The following CAMK1 variants were observed in gnomAD, a reference collection of about 807,000 sequenced individuals.
CAMK1 encodes calcium/calmodulin-dependent protein kinase type 1.
In CAMK1, 39 loss-of-function variants were observed where a neutral mutation model predicts 49.1. That is an observed-to-expected ratio of 0.79 (90% CI 0.62 to 1.04). The LOEUF is 1.04. CAMK1 is among the 50% of genes least tolerant of loss of function. The probability of loss-of-function intolerance (pLI) is 0.00; values close to 1 mark genes in which losing one functional copy is unlikely to be tolerated. For missense variants in CAMK1, 457 were observed against 472.2 expected (o/e 0.97, Z 0.30); for synonymous variants, 192 against 185.2 (o/e 1.04, Z -0.30).
chr3:9,766,414 G>A (rs2078154475), intron 2 of CAMK1: 1 of 495,604 alleles, frequency 2.0e-6, no homozygotes. Flanking sequence ...GAACCTTAAA[G>A]AACCATCAGC....
intron 3 of CAMK1, among the ~76,000 whole-genome samples, chr3:9,765,465 T>A (rs1432686544): frequency 6.6e-6 from 1 of 152,112 alleles, no homozygotes; most frequent in Non-Finnish European, 1.5e-5. Flanking sequence ...CCAACTGAGA[T>A]ATGTGGGTCC....
intron 2 of CAMK1, chr3:9,766,360 C>T (rs1179345580): frequency 4.6e-6 from 3 of 651,698 alleles, no homozygotes; most frequent in Non-Finnish European, 5.6e-6. Flanking sequence ...TTGGTTCATC[C>T]CTTTTTCTGC....
chr3:9,763,098 T>G (rs2077966371), intron 4 of CAMK1, 41 bp downstream of exon 4: 1 of 1,613,934 alleles, frequency 6.2e-7, no homozygotes, highest in African/African-American at 1.3e-5. Context: ...TTGGGACAGC[T>G]GGGAGAGGTG....
Position 9,761,724 on chromosome 3 carries a change from C to G in CAMK1, c.463G>C (p.Asp155His). The G allele has an allele frequency of 1.2e-6, 2 of 1,614,116 alleles. No individual in the cohort carries two copies. Among genetic ancestry groups the G allele is most frequent in the Non-Finnish European group, 1.7e-6 (2 of 1,180,012 alleles). ...AAGTCGGAGATCATGATTTTGGAGT[C>G]TTCATCCAGGCTGTAGTACAGCAGA... The part of the protein sequence containing the change: ...ENLLYYSLDE[D>H]SKIMISDFGL... Residue 155 changes from aspartate (D) to histidine (H), a missense_variant, in exon 6 of 12, where the codon GAC becomes CAC. Transcript: ENST00000256460.
At chr3:9,769,084 A>G (rs757446996) in intron 1 of CAMK1, among the ~76,000 whole-genome samples, 1 of 152,002 alleles carries the variant, frequency 6.6e-6, no homozygotes, top group African/African-American at 2.4e-5. Context: ...ACACCTGATC[A>G]TACATGTACT....
At chr3:9,769,482 C>G (rs2078248203) in intron 1 of CAMK1, among the ~76,000 whole-genome samples, 1 of 152,130 alleles carries the variant, frequency 6.6e-6, no homozygotes, top group Admixed American at 6.5e-5. Flanking sequence ...ACACAGATTC[C>G]CAGATCCTCC....
Position 9,765,875 on chromosome 3 carries a change from C to T in CAMK1, c.99G>A (p.Glu33=), listed in dbSNP as rs1381135793. 1.2e-6 allele frequency: 2 copies of T among 1,614,138 alleles called. No homozygotes were observed. Among genetic ancestry groups the T allele is most frequent in the African/African-American group, 1.3e-5 (1 of 75,060 alleles). ...RDVLGTGAFS[E]VILAEDKRTQ... ...TCCTCTTATCTTCTGCCAGGATCAC[C>T]TCCGAGAAGGCCCCCCTATCGGGAG... is the stretch of plus-strand genomic sequence containing the variant. Residue 33 remains glutamate, a synonymous_variant, in exon 3 of 12, where the codon GAG becomes GAA. Transcript: ENST00000256460.
At position 9,759,487 on chromosome 3, in the gene CAMK1, C is replaced by G; in HGVS notation, c.912+1G>C. Reference sequence around the variant, plus strand: ...GACCAGAACTAGGGATATGGACTCACCTTCCACTTGCTCTTGGCAAAGTTC... The same window carrying G: ...GACCAGAACTAGGGATATGGACTCAGCTTCCACTTGCTCTTGGCAAAGTTC... On this transcript the variant is annotated splice_donor_variant, in intron 10 of 11. Coordinates refer to ENST00000256460, the MANE Select transcript of CAMK1 (RefSeq NM_003656.5). LOFTEE classifies it high-confidence loss of function. 1 of 1,614,190 alleles carries G rather than the reference C, an allele frequency of 6.2e-7. No homozygotes were observed. Among genetic ancestry groups the G allele is most frequent in the Non-Finnish European group, 8.5e-7 (1 of 1,180,034 alleles).
chr3:9,767,758 G>T lies in CAMK1; in HGVS notation c.-9C>A. 1 of 1,613,744 alleles carries T rather than the reference G, an allele frequency of 6.2e-7. No homozygotes were observed. On this transcript the variant is annotated 5_prime_UTR_variant, in exon 2 of 12. Transcript: ENST00000256460. ...TCCACTGCCCCCAGCATGGCCCACT[G>T]CCCCCCGACCACAGCCAGGGCTCCT...
At position 9,767,550 on chromosome 3, in the gene CAMK1, A is replaced by T. The variant is rs967610805; in HGVS notation, c.83+117T>A. The T allele has an allele frequency of 2.0e-5, 26 of 1,326,754 alleles. No homozygotes were observed. In the African/African-American group the frequency reaches 3.2e-4, roughly 16 times the overall value. 82.2% of individuals were successfully genotyped at this position (1,326,754 alleles called of 1,614,324 possible). A position where few individuals can be genotyped will look rare whatever the true frequency, so the allele number is the denominator to read the frequency against. On this transcript the variant is annotated intron_variant, in intron 2 of 11. Coordinates refer to ENST00000256460, the MANE Select transcript of CAMK1 (RefSeq NM_003656.5). ...GCTGGGGACAGTTTAGGCCCTAGAT[A>T]GTGCTGCCACAGGGCCTGGGCTGTG...
intron 5 of CAMK1, 40 bp downstream of exon 5, chr3:9,762,874 C>T (rs980314904): frequency 8.1e-6 from 13 of 1,607,636 alleles, no homozygotes; most frequent in South Asian, 1.1e-5. Flanking sequence ...AAGGCCCCAC[C>T]CCTGGGTACC....
intron 8 of CAMK1, 101 bp from the exon 9 acceptor site, chr3:9,759,851 CAA>C (rs752016705): frequency 6.2e-7 from 1 of 1,600,948 alleles, no homozygotes; most frequent in East Asian, 2.2e-5. Flanking sequence ...GGCATCAAGA[CAA>C]AGAGGCCAAA....
intron 3 of CAMK1, among the ~76,000 whole-genome samples, chr3:9,763,511 C>T (rs1032259698): frequency 1.3e-5 from 2 of 152,072 alleles, no homozygotes; most frequent in African/African-American, 4.8e-5. Flanking sequence ...GGATCTCGTC[C>T]CCAAAGGGAA....
chr3:9,766,206 G>T, intron 2 of CAMK1: 2 of 746,142 alleles, frequency 2.7e-6, no homozygotes, highest in Non-Finnish European at 2.4e-6. Flanking sequence ...CCACCACCTG[G>T]GGAGAGCCTG....
Position 9,757,532 on chromosome 3 carries a change from C to G in CAMK1, c.*7G>C, listed in dbSNP as rs772639259. On this transcript the variant is annotated 3_prime_UTR_variant, in exon 12 of 12. Transcript: ENST00000256460. The surrounding 1 kb of genome is among the most constrained non-coding windows in gnomAD (Gnocchi z 4.5). ...ACGCAGAGGATCATGACCCGAGGTC[C>G]AGGGCCCTAGAGCTGGTGGGGCAGT... 1.1e-5 allele frequency: 18 copies of G among 1,611,482 alleles called. No homozygotes were observed. The highest frequency in any genetic ancestry group is 1.5e-5 in the Non-Finnish European group (18 of 1,177,986).
chr3:9,767,429 C>G (rs1222999646), intron 2 of CAMK1, among the ~76,000 whole-genome samples: 1 of 152,232 alleles, frequency 6.6e-6, no homozygotes, highest in African/African-American at 2.4e-5. Context: ...AATGGACTGA[C>G]TGGCACCTTC....
intron 3 of CAMK1, 43 bp from the exon 4 acceptor site, chr3:9,763,256 G>A: frequency 1.2e-6 from 2 of 1,612,408 alleles, no homozygotes; most frequent in East Asian, 2.2e-5. Flanking sequence ...ATGGCGGTGT[G>A]CACCTGTAGT....
intron 10 of CAMK1, 173 bp from the exon 11 acceptor site, chr3:9,758,019 TACAC>T (rs148476977): frequency 2.1e-6 from 2 of 946,958 alleles, no homozygotes; most frequent in Admixed American, 3.0e-5. Context: ...ATTATATATT[TACAC>T]ACACACACGC....
intron 2 of CAMK1, 67 bp downstream of exon 2, chr3:9,767,600 A>G: frequency 6.3e-7 from 1 of 1,596,066 alleles, no homozygotes; most frequent in Non-Finnish European, 8.6e-7. Flanking sequence ...TTAATTGACC[A>G]GAGGAAGCCC....
Sources: allele counts gnomAD v4.1 joint callset (sites outside exome capture counted in the v4.1 genomes callset), GRCh38; gene constraint gnomAD v4.1.1; non-coding constraint Gnocchi (gnomAD v3.1); transcripts MANE v1.5; gene names NCBI Gene and HGNC (gene_info 2026-07-23, HGNC 2026-07-21).